BTAF1: variants seen among roughly 807,000 people sequenced by gnomAD.
BTAF1 encodes B-TFIID TATA-box binding protein associated factor 1.
A neutral mutation model predicts 227.1 loss-of-function variants in BTAF1; 38 were observed. The ratio of observed to expected loss-of-function variants is 0.17; its 90% CI spans 0.13 to 0.22. The LOEUF (loss-of-function observed/expected upper bound fraction) is 0.22, where lower values mean the gene tolerates loss of function less well. BTAF1 is among the 10% of genes least tolerant of loss of function. The probability of loss-of-function intolerance (pLI) is 1.00; values close to 1 mark genes in which losing one functional copy is unlikely to be tolerated. For missense variants in BTAF1, 1,598 were observed against 2,204.0 expected (o/e 0.73, Z 5.51); for synonymous variants, 742 against 751.9 (o/e 0.99, Z 0.21).
At chr10:91,939,842 A>G (rs1172982599) in intron 2 of BTAF1, 110 bp from the exon 3 acceptor site, 5 of 612,670 alleles carry the variant, frequency 8.2e-6, no homozygotes, top group Non-Finnish European at 1.4e-5. Flanking sequence ...ATGTATTTGG[A>G]TGGCTGCCAA....
chr10:91,944,245 G>A (rs1474614639), intron 4 of BTAF1, among the ~76,000 whole-genome samples: 1 of 152,018 alleles, frequency 6.6e-6, no homozygotes, highest in Non-Finnish European at 1.5e-5. Flanking sequence ...GTTTTTTAGT[G>A]CTAGTAAGTC....
At chr10:92,008,043 T>G (rs1850047642) in intron 25 of BTAF1, 80 bp from the exon 26 acceptor site, 1 of 1,256,698 alleles carries the variant, frequency 8.0e-7, no homozygotes, top group Non-Finnish European at 1.1e-6. Flanking sequence ...TTTTTCTGTG[T>G]GTTTGTTTTG....
intron 1 of BTAF1, among the ~76,000 whole-genome samples, chr10:91,932,151 G>C (rs1801039326): frequency 1.3e-5 from 2 of 152,148 alleles, no homozygotes; most frequent in Admixed American, 1.3e-4. Flanking sequence ...AAGGTCTTTG[G>C]GCAGGAGTTC....
chr10:91,937,420 C>T (rs1370984581), intron 2 of BTAF1, among the ~76,000 whole-genome samples: 1 of 152,108 alleles, frequency 6.6e-6, no homozygotes, highest in Non-Finnish European at 1.5e-5. Context: ...AACATTTTAT[C>T]ACCACAAAAA....
At chr10:91,971,937 G>A (rs1048713474) in intron 14 of BTAF1, among the ~76,000 whole-genome samples, 1 of 117,592 alleles carries the variant, frequency 8.5e-6, no homozygotes, top group African/African-American at 2.6e-5. Context: ...ATTTTGTCTT[G>A]TTTCAAGTTT....
At chr10:92,015,820 A>T (rs975589432) in intron 32 of BTAF1, among the ~76,000 whole-genome samples, 3 of 152,142 alleles carry the variant, frequency 2.0e-5, no homozygotes, top group African/African-American at 7.2e-5. Context: ...TAGCTTGTAC[A>T]AGATAGGAAC....
chr10:92,018,717 TAC>T, intron 33 of BTAF1, 64 bp from the exon 34 acceptor site: 1 of 1,312,594 alleles, frequency 7.6e-7, no homozygotes, highest in Non-Finnish European at 1.0e-6. Flanking sequence ...TAGGGAAAGA[TAC>T]AGAGATAAAA....
At position 91,957,238 on chromosome 10, in the gene BTAF1, C is replaced by T; in HGVS notation, c.845C>T (p.Pro282Leu). ...TTTCTTATTCAGACAAATGAATGGC[C>T]TTTGGAAAGCTTTTGTGAAGAACTT... ...SSLIEETNEWPLESFCEELCN... is the reference protein window; with the variant it reads ...SSLIEETNEWLLESFCEELCN... The change falls in exon 8 of 38, where the codon CCT (proline) becomes CTT (leucine). Residue 282 changes from proline (P) to leucine (L), a missense_variant. Physicochemically the swap from Pro to Leu is moderately conservative, Grantham distance 98. Coordinates refer to ENST00000265990, the MANE Select transcript of BTAF1 (RefSeq NM_003972.3). The T allele has an allele frequency of 6.2e-7, 1 of 1,612,462 alleles. No individual in the cohort carries two copies. Among genetic ancestry groups the T allele is most frequent in the Non-Finnish European group, 8.5e-7 (1 of 1,178,968 alleles).
chr10:91,997,799 G>C, intron 25 of BTAF1, 48 bp downstream of exon 25: 1 of 1,587,522 alleles, frequency 6.3e-7, no homozygotes, highest in African/African-American at 1.3e-5. Flanking sequence ...TCTATAACTT[G>C]ATCCATAATA....
In BTAF1 at chr10:91,992,236, C is replaced by G. The variant is rs148135608; in HGVS notation, c.2972C>G (p.Pro991Arg). ...ATCACAAGTAGGCGAGGTCCTACCC[C>G]CAAAGCAGTAAAAGCTCAAATAGCA... ...FAITSRRGPT[P>R]KAVKAQIADL... The change falls in exon 21 of 38, where the codon CCC becomes CGC. Residue 991 changes from proline to arginine, a missense_variant. Coordinates refer to ENST00000265990, the MANE Select transcript of BTAF1 (RefSeq NM_003972.3). 8 of 1,613,770 alleles carry G rather than the reference C, an allele frequency of 5.0e-6. No homozygotes were observed. Among genetic ancestry groups the G allele is most frequent in the Non-Finnish European group, 8.5e-7 (1 of 1,179,926 alleles).
At chr10:91,924,138 C>T (rs1440083310) in intron 1 of BTAF1, 48 bp downstream of exon 1, 1 of 1,598,482 alleles carries the variant, frequency 6.3e-7, no homozygotes, top group Non-Finnish European at 8.5e-7. Flanking sequence ...TCAGGGAAGG[C>T]ATGGTCTCCT....
chr10:92,013,722 G>A lies in BTAF1; in HGVS notation c.4367G>A (p.Gly1456Asp). Residue 1456 changes from glycine (G) to aspartate (D), a missense_variant, in exon 31 of 38, where the codon GGT becomes GAT. Gly to Asp is a moderately conservative substitution (Grantham distance 94). This residue lies in a region of BTAF1 where 184 missense variants were observed against 341.1 expected (regional missense o/e 0.54). Transcript: ENST00000265990. ...GATTTCCTCATGCCAGGATTTTTGG[G>A]TACTGAACGCCAGTTTGCTGCTCGA... The part of the protein sequence containing the change: ...LFDFLMPGFL[G>D]TERQFAARYG... 6.2e-7 allele frequency: 1 copy of A among 1,613,982 alleles called. No homozygotes were observed. The highest frequency in any genetic ancestry group is 8.5e-7 in the Non-Finnish European group (1 of 1,180,014).
chr10:91,989,717 A>G, intron 20 of BTAF1, 137 bp downstream of exon 20: 1 of 865,594 alleles, frequency 1.2e-6, no homozygotes, highest in South Asian at 1.9e-5. Context: ...GCTTGATTAT[A>G]ACAAAACTCT....
intron 4 of BTAF1, among the ~76,000 whole-genome samples, chr10:91,944,167 A>AT (rs1554850269): frequency 6.6e-6 from 1 of 151,390 alleles, no homozygotes; most frequent in Non-Finnish European, 1.5e-5. Flanking sequence ...TAAAAAAAAA[A>AT]AAGAAAAGTC....
chr10:91,928,957 C>G (rs2133762502), intron 1 of BTAF1, among the ~76,000 whole-genome samples: 1 of 152,226 alleles, frequency 6.6e-6, no homozygotes, highest in South Asian at 2.1e-4. Context: ...ACCACAGATG[C>G]ATACCACCAT....
intron 37 of BTAF1, 109 bp downstream of exon 37, chr10:92,027,409 G>C (rs901911395): frequency 2.7e-5 from 27 of 991,640 alleles, no homozygotes; most frequent in South Asian, 5.5e-5. Flanking sequence ...GTATCCATGA[G>C]ATCACCACTG....
intron 25 of BTAF1, among the ~76,000 whole-genome samples, chr10:92,000,009 G>A (rs932500508): frequency 6.6e-6 from 1 of 151,942 alleles, no homozygotes; most frequent in South Asian, 2.1e-4. Flanking sequence ...GACTGCAGGG[G>A]TATTTTTCTT....
At chr10:91,983,685 A>G (rs1392828053) in intron 18 of BTAF1, among the ~76,000 whole-genome samples, 2 of 152,178 alleles carry the variant, frequency 1.3e-5, no homozygotes, top group Admixed American at 1.3e-4. Flanking sequence ...CTCATGGCTC[A>G]CCACTGAGGC....
At chr10:91,971,009 T>C (rs911624758) in intron 14 of BTAF1, among the ~76,000 whole-genome samples, 1 of 152,252 alleles carries the variant, frequency 6.6e-6, no homozygotes, top group Non-Finnish European at 1.5e-5. Flanking sequence ...ACAAAAGTGC[T>C]TTTCTAGTCT....
Sources: gnomAD v4.1 joint callset for allele counts (sites outside exome capture counted in the v4.1 genomes callset) on GRCh38, gnomAD v4.1.1 for gene constraint, gnomAD v4.1.1 regional missense constraint, MANE v1.5 for transcripts, NCBI Gene and HGNC (gene_info 2026-07-23, HGNC 2026-07-21) for gene names.